Variants in HECW1 observed in about 807,000 individuals in gnomAD.
HECW1 encodes the protein E3 ubiquitin-protein ligase HECW1.
HECW1 carries 61 observed loss-of-function variants against 182.3 expected under a neutral mutation model. That is an observed-to-expected ratio of 0.33 (90% CI 0.27 to 0.41). The LOEUF is 0.41. HECW1 is among the 10% of genes least tolerant of loss of function. The pLI, the probability that HECW1 is intolerant of heterozygous loss-of-function variation, is 1.00. For missense variants in HECW1, 1,739 were observed against 2,108.9 expected, an observed-to-expected ratio of 0.82 and a Z score of 3.44; for synonymous variants, 859 against 832.6, an observed-to-expected ratio of 1.03 and a Z score of -0.55.
intron 13 of HECW1, among the ~76,000 whole-genome samples, chr7:43,460,041 C>T (rs2077529448): frequency 6.6e-6 from 1 of 152,122 alleles, no homozygotes; most frequent in Non-Finnish European, 1.5e-5. Context: ...GTTTAGTTAA[C>T]CTGATTTCAT....
At chr7:43,253,175 CG>C (rs1490185536) in intron 3 of HECW1, among the ~76,000 whole-genome samples, 6 of 152,016 alleles carry the variant, frequency 3.9e-5, no homozygotes, top group African/African-American at 1.5e-4. Context: ...CAGCCCGTTT[CG>C]GGAACCACTG....
intron 2 of HECW1, among the ~76,000 whole-genome samples, chr7:43,200,981 CAG>C (rs1294171144): frequency 6.6e-6 from 1 of 152,130 alleles, no homozygotes; most frequent in East Asian, 1.9e-4. Flanking sequence ...TTTTTATTTC[CAG>C]AGTCGATGTA....
intron 2 of HECW1, among the ~76,000 whole-genome samples, chr7:43,221,542 T>G (rs1283433322): frequency 4.9e-5 from 1 of 20,386 alleles, no homozygotes; most frequent in African/African-American, 4.5e-4. Flanking sequence ...ATTAGGTTTT[T>G]TTTTTTTTTT....
intron 6 of HECW1, among the ~76,000 whole-genome samples, chr7:43,364,097 C>T (rs1313850517): frequency 6.6e-6 from 1 of 152,152 alleles, no homozygotes; most frequent in Non-Finnish European, 1.5e-5. Context: ...CTGTGTATTG[C>T]CATTATATCA....
intron 2 of HECW1, among the ~76,000 whole-genome samples, chr7:43,125,451 C>A (rs1786106934): frequency 6.6e-6 from 1 of 152,000 alleles, no homozygotes; most frequent in Admixed American, 6.5e-5. Context: ...ATTACTCAGA[C>A]TTATTCAAGA....
chr7:43,500,841 C>A, intron 20 of HECW1, 59 bp downstream of exon 20: 1 of 1,364,918 alleles, frequency 7.3e-7, no homozygotes, highest in Non-Finnish European at 1.0e-6. Context: ...TCTCCTCCAT[C>A]ACGGCCACCC....
At chr7:43,407,483 C>CA in intron 7 of HECW1, 79 bp from the exon 8 acceptor site, 1 of 1,045,484 alleles carries the variant, frequency 9.6e-7, no homozygotes, top group Non-Finnish European at 1.4e-6. Context: ...ATGGTCCTCT[C>CA]ATGAAAGGTG....
At chr7:43,499,875 G>T (rs1034015282) in intron 19 of HECW1, among the ~76,000 whole-genome samples, 19 of 152,170 alleles carry the variant, frequency 1.2e-4, no homozygotes, top group Non-Finnish European at 2.8e-4. Flanking sequence ...GGAGTTGGAG[G>T]TTGTCTAAAA....
chr7:43,409,044 C>T (rs1318842868), intron 8 of HECW1, among the ~76,000 whole-genome samples: 2 of 152,164 alleles, frequency 1.3e-5, no homozygotes, highest in East Asian at 3.9e-4. Context: ...TGATTTAGAG[C>T]TTTCAAGCAT....
intron 16 of HECW1, among the ~76,000 whole-genome samples, chr7:43,474,274 C>T (rs1360749960): frequency 2.0e-5 from 3 of 151,998 alleles, no homozygotes; most frequent in African/African-American, 7.3e-5. Flanking sequence ...ATGGTGAAAC[C>T]CCGTCTCTAC....
At chr7:43,216,539 G>A (rs1176289587) in intron 2 of HECW1, among the ~76,000 whole-genome samples, 1 of 152,128 alleles carries the variant, frequency 6.6e-6, no homozygotes, top group African/African-American at 2.4e-5. Context: ...CTCTTTCCTG[G>A]ATCATGGTAA....
chr7:43,131,566 C>T (rs1216472402), intron 2 of HECW1, among the ~76,000 whole-genome samples: 1 of 152,150 alleles, frequency 6.6e-6, no homozygotes, highest in South Asian at 2.1e-4. Context: ...AAATGATTCT[C>T]AAAAGCAGAA....
intron 2 of HECW1, among the ~76,000 whole-genome samples, chr7:43,215,923 A>G (rs1796402832): frequency 6.6e-6 from 1 of 152,198 alleles, no homozygotes; most frequent in African/African-American, 2.4e-5. Flanking sequence ...GCCAGTGTTC[A>G]GAGACCAGGC....
At chr7:43,262,247 C>CGTGTGTGTGTGTGTGTGTGTGTGTGT (rs10695541) in intron 3 of HECW1, among the ~76,000 whole-genome samples, 2 of 149,486 alleles carry the variant, frequency 1.3e-5, no homozygotes, top group Admixed American at 1.3e-4. Flanking sequence ...TGTATGTGTG[C>CGTGTGTGTGTGTGTGTGTGTGTGTGT]GTGTGTGTGT....
Position 43,309,068 on chromosome 7 carries a change from C to A in HECW1, c.28-2695C>A, listed in dbSNP as rs1347537698. Reference sequence around the variant, plus strand: ...TACAGGGGATATACAGAGGAGAAAACTTCACAGTGTAGGAGTGAACATGGA... The same window carrying A: ...TACAGGGGATATACAGAGGAGAAAAATTCACAGTGTAGGAGTGAACATGGA... On this transcript the variant is annotated intron_variant, in intron 3 of 29. Coordinates refer to ENST00000395891, the MANE Select transcript of HECW1 (RefSeq NM_015052.5). 2.6e-5 allele frequency among the ~76,000 whole-genome samples: 4 copies of A among 152,132 alleles called. No homozygotes were observed. In the East Asian group the frequency reaches 7.7e-4, roughly 29 times the overall value.
chr7:43,542,055 CAT>C (rs1362588096), intron 26 of HECW1, 57 bp downstream of exon 26: 5 of 1,383,698 alleles, frequency 3.6e-6, no homozygotes, highest in Admixed American at 2.7e-5. Context: ...GGAAAATGCA[CAT>C]AACATAAAGT....
intron 2 of HECW1, among the ~76,000 whole-genome samples, chr7:43,198,925 A>G (rs181186867): frequency 2.3e-3 from 352 of 152,316 alleles, no homozygotes; most frequent in African/African-American, 8.1e-3. Context: ...CTAGCTGGCT[A>G]TTGTTCCTCT....
intron 16 of HECW1, among the ~76,000 whole-genome samples, chr7:43,477,722 AT>A (rs1203914146): frequency 6.6e-6 from 1 of 152,128 alleles, no homozygotes; most frequent in Admixed American, 6.5e-5. Flanking sequence ...TGGGGGGTGT[AT>A]TTTTATCTCA....
intron 2 of HECW1, among the ~76,000 whole-genome samples, chr7:43,242,529 C>T (rs573174628): frequency 1.3e-5 from 2 of 152,264 alleles, no homozygotes; most frequent in African/African-American, 4.8e-5. Context: ...GAATAAAGAT[C>T]CTGAGTTTTT....
Sources: allele counts gnomAD v4.1 joint callset (sites outside exome capture counted in the v4.1 genomes callset), GRCh38; gene constraint gnomAD v4.1.1; transcripts MANE v1.5; gene names NCBI Gene and HGNC (gene_info 2026-07-23, HGNC 2026-07-21).